The following NALCN variants were observed in gnomAD, a reference collection of about 807,000 sequenced individuals.
NALCN encodes sodium leak channel, non-selective, also known as sodium leak channel NALCN.
NALCN carries 111 observed loss-of-function variants against 225.3 expected under a neutral mutation model. The observed-to-expected ratio is 0.49, with a 90% confidence interval of 0.42 to 0.58. The LOEUF is 0.58. Ranked by LOEUF, NALCN falls within the 20% of genes least tolerant of loss-of-function variation. NALCN has a pLI of 0.00. For synonymous variants in NALCN, 764 were observed against 769.0 expected (o/e 0.99, Z 0.11); for missense variants, 1,378 against 2,202.4 (o/e 0.63, Z 7.49).
chr13:101,358,504 C>T (rs781317228), intron 6 of NALCN, among the ~76,000 whole-genome samples: 1 of 152,184 alleles, frequency 6.6e-6, no homozygotes, highest in Non-Finnish European at 1.5e-5. Flanking sequence ...AGTACCATTT[C>T]ACACCAGTCA....
rs74117696 is a variant in NALCN at position 101,209,256 on chromosome 13, C to T, written c.1627-17202G>A. Among the ~76,000 whole-genome samples, 330 of 152,214 alleles carry T rather than the reference C, an allele frequency of 2.2e-3. 5 individuals are homozygous for T. Among genetic ancestry groups the T allele is most frequent in the African/African-American group, 7.6e-3 (315 of 41,546 alleles). On this transcript the variant is annotated intron_variant, in intron 13 of 43. Coordinates refer to ENST00000251127, the MANE Select transcript of NALCN (RefSeq NM_052867.4). ...CATAAAAAGCAATCACATATAGTAA[C>T]CATTAAGATTAATAACATCCAGAAA...
chr13:101,061,140 G>A (rs2031900517), intron 41 of NALCN, among the ~76,000 whole-genome samples: 1 of 152,174 alleles, frequency 6.6e-6, no homozygotes, highest in South Asian at 2.1e-4. Flanking sequence ...TGTAAATACA[G>A]TATATGTCAA....
At chr13:101,171,685 G>C (rs2038728666) in intron 15 of NALCN, among the ~76,000 whole-genome samples, 2 of 152,140 alleles carry the variant, frequency 1.3e-5, no homozygotes, top group African/African-American at 4.8e-5. Flanking sequence ...AGTGACAAAG[G>C]AAAAGCCATA....
chr13:101,416,147 C>T (rs1016158002), intron 1 of NALCN, among the ~76,000 whole-genome samples, 166 bp downstream of exon 1: 4 of 144,656 alleles, frequency 2.8e-5, no homozygotes, highest in Non-Finnish European at 4.6e-5. Flanking sequence ...CCGCGCGGGG[C>T]CCCCGCCCGC....
At chr13:101,116,375 A>C (rs2139668213) in intron 18 of NALCN, 1 of 289,680 alleles carries the variant, frequency 3.5e-6, no homozygotes, top group East Asian at 7.4e-5. Context: ...ATGTCTTGAA[A>C]TTGTCTCTAT....
intron 15 of NALCN, among the ~76,000 whole-genome samples, chr13:101,148,778 C>A (rs772006743): frequency 9.2e-5 from 14 of 152,102 alleles, no homozygotes; most frequent in Non-Finnish European, 1.6e-4. Context: ...GCTAAACTCT[C>A]CAGCAGACAA....
intron 7 of NALCN, among the ~76,000 whole-genome samples, chr13:101,310,504 G>A (rs2044303336): frequency 6.6e-6 from 1 of 152,002 alleles, no homozygotes; most frequent in African/African-American, 2.4e-5. Context: ...TCCTTGAAGG[G>A]ACACCTTCAT....
At chr13:101,101,618 G>T (rs1401777497) in intron 26 of NALCN, among the ~76,000 whole-genome samples, 1 of 152,124 alleles carries the variant, frequency 6.6e-6, no homozygotes, top group Non-Finnish European at 1.5e-5. Flanking sequence ...CAAATGAGCG[G>T]GACAGTGGCT....
chr13:101,372,532 C>T (rs922326750), intron 6 of NALCN, among the ~76,000 whole-genome samples: 1 of 152,002 alleles, frequency 6.6e-6, no homozygotes, highest in Non-Finnish European at 1.5e-5. Flanking sequence ...AAATTATGCA[C>T]CCAAATAACA....
chr13:101,223,645 C>T (rs2041031456), intron 13 of NALCN, among the ~76,000 whole-genome samples: 1 of 152,104 alleles, frequency 6.6e-6, no homozygotes, highest in Non-Finnish European at 1.5e-5. Flanking sequence ...AAATGAATGG[C>T]ATTCTAAAAA....
At chr13:101,356,444 T>C (rs1018850788) in intron 6 of NALCN, among the ~76,000 whole-genome samples, 1 of 152,116 alleles carries the variant, frequency 6.6e-6, no homozygotes, top group Admixed American at 6.5e-5. Flanking sequence ...CTAGAAAATC[T>C]AGAAGAAATG....
chr13:101,057,686 T>A, intron 43 of NALCN: 1 of 486,080 alleles, frequency 2.1e-6, no homozygotes, highest in Non-Finnish European at 3.7e-6. Context: ...ATCTTGTCTT[T>A]TTCATAGGTG....
intron 33 of NALCN, 86 bp downstream of exon 33, chr13:101,082,723 G>T (rs1430147320): frequency 8.3e-6 from 11 of 1,331,446 alleles, no homozygotes; most frequent in Non-Finnish European, 1.2e-5. Flanking sequence ...ACACAGAGAG[G>T]AGAGTAAGTG....
rs148414281 is a variant in NALCN, at chr13:101,322,567, C to T, written c.799+22699G>A. Among the ~76,000 whole-genome samples, 1,219 of 152,272 alleles carry T rather than the reference C, an allele frequency of 8.0e-3. 9 individuals carry two copies. The highest frequency in any genetic ancestry group is 0.012 in the Non-Finnish European group (818 of 68,020). On this transcript the variant is annotated intron_variant, in intron 7 of 43. Coordinates refer to ENST00000251127, the MANE Select transcript of NALCN (RefSeq NM_052867.4). ...GTGCTTTTCATTTGAAGTCTAATAT[C>T]GTAGCAGAAGGTTGGACTTGATGAT...
At chr13:101,160,630 G>T (rs1335185699) in intron 15 of NALCN, among the ~76,000 whole-genome samples, 1 of 152,126 alleles carries the variant, frequency 6.6e-6, no homozygotes, top group Non-Finnish European at 1.5e-5. Context: ...TTCTCCAAAT[G>T]TCTGCCTGTT....
At chr13:101,202,342 T>A (rs1161974100) in intron 13 of NALCN, among the ~76,000 whole-genome samples, 2 of 152,210 alleles carry the variant, frequency 1.3e-5, no homozygotes, top group African/African-American at 4.8e-5. Flanking sequence ...TGACATGAAA[T>A]GTATTTAAAA....
intron 13 of NALCN, among the ~76,000 whole-genome samples, chr13:101,195,315 T>C (rs1427491658): frequency 1.3e-5 from 2 of 152,234 alleles, no homozygotes; most frequent in African/African-American, 4.8e-5. Flanking sequence ...AAACCCATCT[T>C]TTATCTGCCA....
chr13:101,181,665 C>G (rs1187244584), intron 14 of NALCN, among the ~76,000 whole-genome samples: 1 of 151,950 alleles, frequency 6.6e-6, no homozygotes. Flanking sequence ...TTTCTTGAGC[C>G]TGGGAGGTCG....
rs1409810416 is a variant in NALCN at position 101,292,538 on chromosome 13, T to A, written c.800-172A>T. 6.6e-6 allele frequency among the ~76,000 whole-genome samples: 1 copy of A among 152,218 alleles called. No homozygotes were observed. Among genetic ancestry groups the A allele is most frequent in the Non-Finnish European group, 1.5e-5 (1 of 68,024 alleles). ...TTTTACTGTTCTCTTAAAATTTTAATAAAGTTGTTTCTGACTTCAAGCCAG... is the reference window on the plus strand; with the variant it reads ...TTTTACTGTTCTCTTAAAATTTTAAAAAAGTTGTTTCTGACTTCAAGCCAG... On this transcript the variant is annotated intron_variant, in intron 7 of 43. Transcript: ENST00000251127. The surrounding 1 kb of genome is among the most constrained non-coding windows in gnomAD (Gnocchi z 4.3).
Sources: gnomAD v4.1 joint callset for allele counts (sites outside exome capture counted in the v4.1 genomes callset) on GRCh38, gnomAD v4.1.1 for gene constraint, Gnocchi (gnomAD v3.1) non-coding constraint, MANE v1.5 for transcripts, NCBI Gene and HGNC (gene_info 2026-07-23, HGNC 2026-07-21) for gene names.